The following STXBP5 variants were observed in gnomAD, a reference collection of about 807,000 sequenced individuals.
STXBP5 encodes syntaxin binding protein 5, also known as syntaxin-binding protein 5.
In STXBP5, 50 loss-of-function variants were observed where a neutral mutation model predicts 152.4. The ratio of observed to expected loss-of-function variants is 0.33; its 90% CI spans 0.26 to 0.42. The LOEUF (loss-of-function observed/expected upper bound fraction) is 0.42, where lower values mean the gene tolerates loss of function less well. STXBP5 is among the 10% of genes least tolerant of loss of function. The pLI, the probability that STXBP5 is intolerant of heterozygous loss-of-function variation, is 1.00. For missense variants in STXBP5, 1,167 were observed against 1,388.6 expected, an observed-to-expected ratio of 0.84 and a Z score of 2.54; for synonymous variants, 492 against 494.7, an observed-to-expected ratio of 0.99 and a Z score of 0.07.
intron 3 of STXBP5, among the ~76,000 whole-genome samples, chr6:147,237,369 T>C (rs1403352553): frequency 6.6e-6 from 1 of 151,978 alleles, no homozygotes; most frequent in Non-Finnish European, 1.5e-5. Context: ...CCTATTTGCT[T>C]TCAGATTTGG....
chr6:147,332,687 A>G (rs9497749), intron 18 of STXBP5, among the ~76,000 whole-genome samples: 2,569 of 152,252 alleles, frequency 0.017, 60 homozygotes, highest in African/African-American at 0.057. Context: ...ACATCACCCA[A>G]CCAAGTAGGG....
At chr6:147,209,251 A>G (rs764210307) in intron 2 of STXBP5, among the ~76,000 whole-genome samples, 1 of 152,186 alleles carries the variant, frequency 6.6e-6, no homozygotes, top group Non-Finnish European at 1.5e-5. Context: ...TCAAATTATT[A>G]TCGAAGAACC....
At chr6:147,336,141 G>GTT (rs201925453) in intron 19 of STXBP5, among the ~76,000 whole-genome samples, 1 of 151,784 alleles carries the variant, frequency 6.6e-6, no homozygotes, top group African/African-American at 2.4e-5. Context: ...AGGAAATACT[G>GTT]TTTTTTTTAC....
chr6:147,230,848 A>G (rs939304801), intron 2 of STXBP5, among the ~76,000 whole-genome samples: 9 of 151,894 alleles, frequency 5.9e-5, no homozygotes, highest in African/African-American at 1.9e-4. Context: ...AACAGAGCTT[A>G]TCGTAGAGAA....
intron 27 of STXBP5, among the ~76,000 whole-genome samples, chr6:147,384,348 C>T (rs1786238330): frequency 6.6e-6 from 1 of 152,108 alleles, no homozygotes; most frequent in Non-Finnish European, 1.5e-5. Flanking sequence ...AATAGATGCT[C>T]AGTAAATTTG....
rs1331348473 is a variant in STXBP5, at chr6:147,351,773, C to G, written c.2255-1550C>G. On this transcript the variant is annotated intron_variant, in intron 21 of 27. Transcript: ENST00000321680. ...GAAAATTTGATGTCCCTTCCAACCC[C>G]CATTCCTTCCCAGTCTGCCTAATGC... The G allele has an allele frequency of 2.2e-5, 18 of 821,540 alleles. No individual in the cohort carries two copies. In the East Asian group the frequency reaches 1.0e-3, roughly 45 times the overall value. The allele number at this position is 821,540 out of a possible 1,614,324, so 50.9% of individuals were successfully genotyped here. A position where few individuals can be genotyped will look rare whatever the true frequency, so the allele number is the denominator to read the frequency against.
At chr6:147,311,117 A>G (rs1302055392) in intron 10 of STXBP5, among the ~76,000 whole-genome samples, 1 of 151,794 alleles carries the variant, frequency 6.6e-6, no homozygotes, top group African/African-American at 2.4e-5. Flanking sequence ...TTATAGTAGA[A>G]CTCTTTTGGG....
intron 21 of STXBP5, among the ~76,000 whole-genome samples, chr6:147,346,143 G>T (rs559645195): frequency 2.4e-4 from 37 of 152,316 alleles, no homozygotes; most frequent in Admixed American, 2.6e-4. Context: ...TAGAAGATGA[G>T]TAACTTCAAG....
chr6:147,322,503 T>C (rs1782985385), intron 16 of STXBP5, among the ~76,000 whole-genome samples: 1 of 152,198 alleles, frequency 6.6e-6, no homozygotes, highest in Non-Finnish European at 1.5e-5. Context: ...AAACACGAGG[T>C]GCCATGGTCT....
intron 8 of STXBP5, among the ~76,000 whole-genome samples, chr6:147,281,260 G>A (rs923439108): frequency 3.3e-5 from 5 of 152,032 alleles, no homozygotes; most frequent in Admixed American, 2.0e-4. Context: ...GTTTCACCAT[G>A]TTGGCCAGGC....
At chr6:147,312,802 C>G (rs1239521913) in intron 11 of STXBP5, among the ~76,000 whole-genome samples, 1 of 152,072 alleles carries the variant, frequency 6.6e-6, no homozygotes, top group Non-Finnish European at 1.5e-5. Flanking sequence ...TATTTCTGTC[C>G]TAGAATAACT....
rs1786415938 is a variant in STXBP5, at chr6:147,387,842, A to C, written c.*3087A>C. 6.6e-6 allele frequency: 1 copy of C among 151,204 alleles called. No homozygotes were observed. Among genetic ancestry groups the C allele is most frequent in the African/African-American group, 2.4e-5 (1 of 41,214 alleles). 9.4% of individuals were successfully genotyped at this position (151,204 alleles called of 1,614,324 possible). A position where few individuals can be genotyped will look rare whatever the true frequency, so the allele number is the denominator to read the frequency against. On this transcript the variant is annotated 3_prime_UTR_variant, in exon 28 of 28. Coordinates refer to ENST00000321680, the MANE Select transcript of STXBP5 (RefSeq NM_001127715.4). ...TTGTAGGTTCCTCTGAAGCGATTTCATGTAGATATGTGAGTGTTTTAAACA... is the reference window on the plus strand; with the variant it reads ...TTGTAGGTTCCTCTGAAGCGATTTCCTGTAGATATGTGAGTGTTTTAAACA...
intron 9 of STXBP5, among the ~76,000 whole-genome samples, chr6:147,294,061 G>A (rs149812121): frequency 5.7e-4 from 87 of 152,298 alleles, no homozygotes; most frequent in South Asian, 1.2e-3. Context: ...GAAACCAGAT[G>A]TTCTCTAGCA....
chr6:147,382,726 T>G (rs1423274473), intron 26 of STXBP5, 52 bp from the exon 27 acceptor site: 1 of 1,560,032 alleles, frequency 6.4e-7, no homozygotes, highest in East Asian at 2.3e-5. Flanking sequence ...GATTTTATAT[T>G]AGTAAAATGT....
chr6:147,235,594 A>G (rs981535545), intron 3 of STXBP5, among the ~76,000 whole-genome samples: 1 of 152,168 alleles, frequency 6.6e-6, no homozygotes, highest in Non-Finnish European at 1.5e-5. Flanking sequence ...TTTAAATTCC[A>G]GGGATATTGA....
In STXBP5 at chr6:147,387,855, A is replaced by G. The variant is rs866156985; in HGVS notation, c.*3100A>G. 3.3e-5 allele frequency: 5 copies of G among 151,310 alleles called. No individual in the cohort carries two copies. The highest frequency in any genetic ancestry group is 2.1e-4 in the South Asian group (1 of 4,822). 9.4% of individuals were successfully genotyped at this position (151,310 alleles called of 1,614,324 possible). A position where few individuals can be genotyped will look rare whatever the true frequency, so the allele number is the denominator to read the frequency against. Reference sequence around the variant, plus strand: ...TGAAGCGATTTCATGTAGATATGTGAGTGTTTTAAACAAGTCTGAAAGTGT... The same window carrying G: ...TGAAGCGATTTCATGTAGATATGTGGGTGTTTTAAACAAGTCTGAAAGTGT... On this transcript the variant is annotated 3_prime_UTR_variant, in exon 28 of 28. Transcript: ENST00000321680.
chr6:147,228,180 G>C (rs1009699481), intron 2 of STXBP5, among the ~76,000 whole-genome samples: 2 of 151,654 alleles, frequency 1.3e-5, no homozygotes, highest in Non-Finnish European at 2.9e-5. Flanking sequence ...TCTATGTGTG[G>C]TTTACTCTTT....
chr6:147,210,716 C>G (rs1050325460), intron 2 of STXBP5, among the ~76,000 whole-genome samples: 1 of 152,082 alleles, frequency 6.6e-6, no homozygotes, highest in Non-Finnish European at 1.5e-5. Context: ...GAATAATAAC[C>G]CTACCTAGCT....
chr6:147,282,422 CTA>C (rs752518120), intron 8 of STXBP5, among the ~76,000 whole-genome samples: 4 of 152,120 alleles, frequency 2.6e-5, no homozygotes, highest in Non-Finnish European at 5.9e-5. Flanking sequence ...ATTGTAAGTG[CTA>C]TGTGTGAAAT....
Sources: gnomAD v4.1 joint callset for allele counts (sites outside exome capture counted in the v4.1 genomes callset) on GRCh38, gnomAD v4.1.1 for gene constraint, MANE v1.5 for transcripts, NCBI Gene and HGNC (gene_info 2026-07-23, HGNC 2026-07-21) for gene names.